The following ITPR2 variants were observed in gnomAD, a reference collection of about 807,000 sequenced individuals.
ITPR2 encodes inositol 1,4,5-trisphosphate receptor type 2.
A neutral mutation model predicts 317.1 loss-of-function variants in ITPR2; 207 were observed. The observed-to-expected ratio is 0.65, with a 90% CI of 0.58 to 0.73. The LOEUF is 0.73. ITPR2 is among the 30% of genes least tolerant of loss of function. The probability of loss-of-function intolerance (pLI) is 0.00; values close to 1 mark genes in which losing one functional copy is unlikely to be tolerated. For missense variants in ITPR2, 2,613 were observed against 3,284.0 expected, an observed-to-expected ratio of 0.80 and a Z score of 4.99; for synonymous variants, 1,156 against 1,149.1, an observed-to-expected ratio of 1.01 and a Z score of -0.12.
chr12:26,340,006 G>A (rs369079577), intron 56 of ITPR2, among the ~76,000 whole-genome samples, 161 bp downstream of exon 56: 11 of 152,144 alleles, frequency 7.2e-5, no homozygotes, highest in African/African-American at 2.7e-4. Context: ...AGAAGTCCCC[G>A]TTTGCTGGGA....
chr12:26,653,808 C>G (rs1947312558), intron 21 of ITPR2, among the ~76,000 whole-genome samples, 168 bp downstream of exon 21: 1 of 152,172 alleles, frequency 6.6e-6, no homozygotes, highest in Admixed American at 6.5e-5. Flanking sequence ...AACAGAGATG[C>G]ATGTTTGTAA....
chr12:26,384,252 G>C (rs1939601434), intron 55 of ITPR2, among the ~76,000 whole-genome samples: 1 of 152,202 alleles, frequency 6.6e-6, no homozygotes, highest in African/African-American at 2.4e-5. Context: ...TTTCCACAGA[G>C]CTTGGAGTAA....
chr12:26,630,054 C>A (rs1176649438), intron 22 of ITPR2, among the ~76,000 whole-genome samples: 1 of 152,132 alleles, frequency 6.6e-6, no homozygotes, highest in African/African-American at 2.4e-5. Context: ...GGAGACAGCT[C>A]ATGGGAAAAG....
intron 45 of ITPR2, among the ~76,000 whole-genome samples, chr12:26,446,495 C>A (rs1318573795): frequency 6.6e-6 from 1 of 152,036 alleles, no homozygotes; most frequent in African/African-American, 2.4e-5. Flanking sequence ...GCTTTTACTT[C>A]TTTATGATCA....
intron 37 of ITPR2, among the ~76,000 whole-genome samples, chr12:26,511,201 T>C (rs191581598): frequency 6.6e-6 from 1 of 152,330 alleles, no homozygotes; most frequent in Admixed American, 6.5e-5. Flanking sequence ...ATCCCATCAG[T>C]GGAACAGGAG....
At chr12:26,786,531 GT>G (rs1950254199) in intron 2 of ITPR2, among the ~76,000 whole-genome samples, 1 of 150,476 alleles carries the variant, frequency 6.6e-6, no homozygotes. Context: ...CTATGTTTCT[GT>G]TAATATCAAT....
intron 26 of ITPR2, among the ~76,000 whole-genome samples, chr12:26,603,513 G>A: frequency 6.6e-6 from 1 of 152,126 alleles, no homozygotes; most frequent in Non-Finnish European, 1.5e-5. Context: ...ATGGTGAATG[G>A]ATCTAAAAGG....
intron 45 of ITPR2, among the ~76,000 whole-genome samples, chr12:26,472,983 T>A (rs1216660562): frequency 6.6e-6 from 1 of 152,062 alleles, no homozygotes; most frequent in African/African-American, 2.4e-5. Context: ...ACCTTCCAGG[T>A]TCAAGTGATT....
At chr12:26,358,052 T>C (rs1268636859) in intron 55 of ITPR2, among the ~76,000 whole-genome samples, 1 of 152,238 alleles carries the variant, frequency 6.6e-6, no homozygotes, top group Non-Finnish European at 1.5e-5. Flanking sequence ...GATATGATCA[T>C]GCAAGGCAGA....
chr12:26,603,380 T>C (rs978610308), intron 26 of ITPR2, among the ~76,000 whole-genome samples: 1 of 152,168 alleles, frequency 6.6e-6, no homozygotes, highest in African/African-American at 2.4e-5. Context: ...GTATCACAAA[T>C]ATGGGGAGTG....
At chr12:26,383,229 T>C (rs1457686628) in intron 55 of ITPR2, among the ~76,000 whole-genome samples, 1 of 152,170 alleles carries the variant, frequency 6.6e-6, no homozygotes, top group Non-Finnish European at 1.5e-5. Context: ...CACCAGAAGC[T>C]GAGCAGATGC....
chr12:26,363,603 C>G (rs1440834961), intron 55 of ITPR2, among the ~76,000 whole-genome samples: 1 of 152,118 alleles, frequency 6.6e-6, no homozygotes, highest in African/African-American at 2.4e-5. Flanking sequence ...GACTTTCTCT[C>G]CAGATCACAA....
rs1951114619 is a variant in ITPR2, at chr12:26,831,865, T to TAAATATATATTATACATA, written c.92+824_92+825insTATGTATAATATATATTT. 6.9e-6 allele frequency among the ~76,000 whole-genome samples: 1 copy of TAAATATATATTATACATA among 145,324 alleles called. No individual in the cohort carries two copies. Among genetic ancestry groups the TAAATATATATTATACATA allele is most frequent in the African/African-American group, 2.5e-5 (1 of 39,918 alleles). On this transcript the variant is annotated intron_variant, in intron 1 of 56. Coordinates refer to ENST00000381340, the MANE Select transcript of ITPR2 (RefSeq NM_002223.4). The surrounding 1 kb of genome is among the most constrained non-coding windows in gnomAD (Gnocchi z 4.9). ...AAATATATATTATACATAAAATATA[T>TAAATATATATTATACATA]AAATATATTAATATATATTTCCCTC...
intron 2 of ITPR2, among the ~76,000 whole-genome samples, chr12:26,777,701 A>G (rs1950000228): frequency 6.6e-6 from 1 of 151,394 alleles, no homozygotes; most frequent in Non-Finnish European, 1.5e-5. Context: ...ATTATAAAAC[A>G]GAGATTCATG....
intron 1 of ITPR2, among the ~76,000 whole-genome samples, chr12:26,797,992 G>C (rs1348660465): frequency 2.0e-5 from 3 of 151,966 alleles, no homozygotes; most frequent in African/African-American, 7.2e-5. Flanking sequence ...GCGCCCAGCA[G>C]AATTGTCTTT....
chr12:26,690,060 A>G (rs1177192838), intron 10 of ITPR2, among the ~76,000 whole-genome samples: 1 of 152,204 alleles, frequency 6.6e-6, no homozygotes, highest in Admixed American at 6.5e-5. Context: ...TACATGTGAG[A>G]GAAGACTGCC....
intron 55 of ITPR2, among the ~76,000 whole-genome samples, chr12:26,355,111 G>A (rs1305913317): frequency 6.6e-6 from 1 of 152,224 alleles, no homozygotes; most frequent in Non-Finnish European, 1.5e-5. Context: ...CCTCTAGGTG[G>A]TTGTGATGCA....
rs370965671 is a variant in ITPR2 at position 26,799,804 on chromosome 12, C to T, written c.93-9577G>A. On this transcript the variant is annotated intron_variant, in intron 1 of 56. Transcript: ENST00000381340. ...ACAGTTCTCATGAAAGTCAAAGCAT[C>T]TGCAAAGTACTTTTCTCAGAATATA... Among the ~76,000 whole-genome samples the T allele has an allele frequency of 3.9e-5, 6 of 152,196 alleles. No individual in the cohort carries two copies. In the East Asian group the frequency reaches 1.2e-3, roughly 29 times the overall value.
At chr12:26,682,151 G>T in intron 12 of ITPR2, 117 bp from the exon 13 acceptor site, 1 of 808,926 alleles carries the variant, frequency 1.2e-6, no homozygotes, top group Non-Finnish European at 2.0e-6. Flanking sequence ...TCCGAACACA[G>T]TAACTCCCAC....
Sources: gnomAD v4.1 joint callset for allele counts (sites outside exome capture counted in the v4.1 genomes callset) on GRCh38, gnomAD v4.1.1 for gene constraint, Gnocchi (gnomAD v3.1) non-coding constraint, MANE v1.5 for transcripts, NCBI Gene and HGNC (gene_info 2026-07-23, HGNC 2026-07-21) for gene names.